Variants in RBBP5 observed in about 807,000 individuals in gnomAD.
RBBP5 encodes RB binding protein 5, histone lysine methyltransferase complex subunit, also known as retinoblastoma-binding protein 5.
RBBP5 carries 5 observed loss-of-function variants against 72.2 expected under a neutral mutation model. The observed-to-expected ratio is 0.07, with a 90% CI of 0.04 to 0.15. The LOEUF is 0.15. Among genes scored for constraint, RBBP5 ranks in the 10% least tolerant of loss-of-function variants. The pLI is 1.00. For synonymous variants in RBBP5, 209 were observed against 237.2 expected (o/e 0.88, Z 1.09); for missense variants, 322 against 652.2 (o/e 0.49, Z 5.51).
intron 1 of RBBP5, among the ~76,000 whole-genome samples, chr1:205,117,652 C>T (rs1656578779): frequency 6.6e-6 from 1 of 151,724 alleles, no homozygotes. Context: ...AAGAGGGAAA[C>T]TCTGTCTCAA....
rs1022739763 is a variant in RBBP5, at chr1:205,121,927, G to C, written c.-54C>G. On this transcript the variant is annotated 5_prime_UTR_variant, in exon 1 of 14. Coordinates refer to ENST00000264515, the MANE Select transcript of RBBP5 (RefSeq NM_005057.4). ...GCTCCGGCAACAACACCTTCTCCCC[G>C]GCCGGCTTCAGCAACTTGCGTCTAA... The C allele has an allele frequency of 2.5e-6, 4 of 1,604,838 alleles. No homozygotes were observed. Among genetic ancestry groups the C allele is most frequent in the African/African-American group, 1.3e-5 (1 of 74,900 alleles).
In RBBP5 at chr1:205,096,754, C is replaced by T. The variant is rs770027845; in HGVS notation, c.1324G>A (p.Ala442Thr). The stretch of plus-strand genomic sequence containing the variant: ...TTCTTAGGTGGCTGGGACCCATCTG[C>T]TGAGGACTGCCTCTTCTTCTCTGAA... Reference protein sequence around the residue: ...ASSEKKRQSSADGSQPPKKKP... With the variant: ...ASSEKKRQSSTDGSQPPKKKP... The change falls in exon 12 of 14, where the codon GCA (alanine) becomes ACA (threonine). Residue 442 changes from alanine to threonine, a missense_variant. Around this residue, in one of 6 missense-constraint regions of RBBP5, gnomAD observed 109 missense variants for 146.3 expected, o/e 0.75. Transcript: ENST00000264515. 6 of 1,614,050 alleles carry T rather than the reference C, an allele frequency of 3.7e-6. No individual in the cohort carries two copies. The highest frequency in any genetic ancestry group is 2.2e-5 in the East Asian group (1 of 44,888).
Position 205,096,839 on chromosome 1 carries a change from T to C in RBBP5, c.1239A>G (p.Glu413=). ...PIAPEVEDPE[E]NPYGPPPDAV... is the part of the protein sequence containing the mutation. ...CATCCGGTGGGGGGCCGTAAGGATT[T>C]TCTTCTGGGTCTTCTACCTCAGGGG... The change falls in exon 12 of 14, where the codon GAA becomes GAG. Residue 413 remains glutamate (E), a synonymous_variant. Coordinates refer to ENST00000264515, the MANE Select transcript of RBBP5 (RefSeq NM_005057.4). The C allele has an allele frequency of 7.4e-6, 12 of 1,614,094 alleles. No individual in the cohort carries two copies. Among genetic ancestry groups the C allele is most frequent in the African/African-American group, 1.3e-5 (1 of 75,022 alleles).
intron 1 of RBBP5, among the ~76,000 whole-genome samples, chr1:205,121,154 T>G (rs1656721949): frequency 6.6e-6 from 1 of 152,174 alleles, no homozygotes; most frequent in Non-Finnish European, 1.5e-5. Flanking sequence ...CCATGCTAAA[T>G]GTCACCTAAT....
In RBBP5 at chr1:205,094,950, T is replaced by C; in HGVS notation, c.1511A>G (p.Tyr504Cys). 1 of 1,614,152 alleles carries C rather than the reference T, an allele frequency of 6.2e-7. No homozygotes were observed. Among genetic ancestry groups the C allele is most frequent in the Non-Finnish European group, 8.5e-7 (1 of 1,180,028 alleles). ...CAGAGGTAAACCTCTGTCCCCTTTGTAGAGTTTCGGTTTAAATGGAGAATC... is the reference window on the plus strand; with the variant it reads ...CAGAGGTAAACCTCTGTCCCCTTTGCAGAGTTTCGGTTTAAATGGAGAATC... ...EKDSPFKPKL[Y>C]KGDRGLPLEG... is the part of the protein sequence containing the mutation. The change falls in exon 13 of 14, where the codon TAC (tyrosine) becomes TGC (cysteine). Residue 504 changes from tyrosine (Y) to cysteine (C), a missense_variant. Physicochemically the swap from Tyr to Cys is radical, Grantham distance 194. Transcript: ENST00000264515.
rs148570882 is a variant in RBBP5, at chr1:205,091,360, C to T, written c.1589-2545G>A. The T allele has an allele frequency of 1.1e-3, 166 of 152,366 alleles. 1 individual carries two copies. The highest frequency in any genetic ancestry group is 3.7e-3 in the African/African-American group (155 of 41,576). 9.4% of individuals were successfully genotyped at this position (152,366 alleles called of 1,614,324 possible). On this transcript the variant is annotated intron_variant, in intron 13 of 13. Transcript: ENST00000264515. ...TAACTAAGAAGCATTTGATAGATAGCGCAGACTATGTTAGCCTGGTCCTTC... is the reference window on the plus strand; with the variant it reads ...TAACTAAGAAGCATTTGATAGATAGTGCAGACTATGTTAGCCTGGTCCTTC...
chr1:205,093,558 A>ACG lies in RBBP5; in HGVS notation c.1588+1314_1588+1315insCG, dbSNP rs1553352240. 1.0e-3 allele frequency among the ~76,000 whole-genome samples: 121 copies of ACG among 115,796 alleles called. 1 individual carries two copies. Among genetic ancestry groups the ACG allele is most frequent in the African/African-American group, 2.6e-3 (68 of 26,174 alleles). 76.0% of individuals were successfully genotyped at this position (115,796 alleles called of 152,430 possible). A position where few individuals can be genotyped will look rare whatever the true frequency, so the allele number is the denominator to read the frequency against. ...TACACACACACACACACACACACAC[A>ACG]CACACACACACAGCATTATATGTAT... On this transcript the variant is annotated intron_variant, in intron 13 of 13. Coordinates refer to ENST00000264515, the MANE Select transcript of RBBP5 (RefSeq NM_005057.4).
chr1:205,109,050 CTAAGGT>C (rs1391885815), intron 3 of RBBP5, among the ~76,000 whole-genome samples: 6 of 152,052 alleles, frequency 3.9e-5, no homozygotes, highest in Non-Finnish European at 8.8e-5. Flanking sequence ...CAGGGGTAAG[CTAAGGT>C]TATAAATATA....
intron 1 of RBBP5, chr1:205,116,361 T>A (rs1276410873): frequency 5.8e-6 from 2 of 342,060 alleles, no homozygotes; most frequent in South Asian, 4.5e-5. Context: ...TAGGTAGATA[T>A]CACCTACATA....
At chr1:205,112,987 T>C (rs1382620778) in intron 3 of RBBP5, among the ~76,000 whole-genome samples, 1 of 151,970 alleles carries the variant, frequency 6.6e-6, no homozygotes, top group Non-Finnish European at 1.5e-5. Context: ...TAGCCAGGCA[T>C]GGTGGCGCAC....
In RBBP5 at chr1:205,096,734, A is replaced by C. The variant is rs1229692167; in HGVS notation, c.1344T>G (p.Pro448=). The change falls in exon 12 of 14, where the codon CCT becomes CCG. Residue 448 remains proline (P), a synonymous_variant. Transcript: ENST00000264515. ...TATTGGTTGTTTTGGGTTTCTTCTT[A>C]GGTGGCTGGGACCCATCTGCTGAGG... The part of the protein sequence containing the change: ...RQSSADGSQP[P]KKKPKTTNIE... 3 of 1,614,086 alleles carry C rather than the reference A, an allele frequency of 1.9e-6. No individual in the cohort carries two copies.
At position 205,094,959 on chromosome 1, in the gene RBBP5, G is replaced by A. The variant is rs756967326; in HGVS notation, c.1502C>T (p.Pro501Leu). The change falls in exon 13 of 14, where the codon CCG becomes CTG. Residue 501 changes from proline to leucine, a missense_variant. By Grantham distance (98) the Pro-to-Leu change is moderately conservative. Transcript: ENST00000264515. ...ACCTCTGTCCCCTTTGTAGAGTTTC[G>A]GTTTAAATGGAGAATCTTTCTCTTT... ...KGKEKDSPFK[P>L]KLYKGDRGLP... 1.5e-5 allele frequency: 24 copies of A among 1,613,968 alleles called. No individual in the cohort carries two copies. The highest frequency in any genetic ancestry group is 1.9e-5 in the Non-Finnish European group (23 of 1,180,040).
At chr1:205,097,707 G>A (rs1180771338) in intron 10 of RBBP5, among the ~76,000 whole-genome samples, 1 of 152,214 alleles carries the variant, frequency 6.6e-6, no homozygotes, top group African/African-American at 2.4e-5. Context: ...ATATGGGAAG[G>A]AGGAACAATT....
chr1:205,091,365 A>AAT (rs1655343711), intron 13 of RBBP5: 2 of 152,262 alleles, frequency 1.3e-5, no homozygotes, highest in Non-Finnish European at 2.9e-5. Flanking sequence ...GATAGCGCAG[A>AAT]CTATGTTAGC....
chr1:205,100,341 T>A, intron 6 of RBBP5, 70 bp from the exon 7 acceptor site: 1 of 1,544,872 alleles, frequency 6.5e-7, no homozygotes, highest in South Asian at 1.2e-5. Flanking sequence ...AAACGACTAA[T>A]AAACTAGGGA....
rs547516401 is a variant in RBBP5 at position 205,110,113 on chromosome 1, C to CG, written c.218+4675dup. On this transcript the variant is annotated intron_variant, in intron 3 of 13. Transcript: ENST00000264515. ...CCGGCTCACCGCAACCTCCATATGC[C>CG]GGTTCAAGCGATTCTCCTGCCTCAG... Among the ~76,000 whole-genome samples, 163 of 151,998 alleles carry CG rather than the reference C, an allele frequency of 1.1e-3. 1 individual carries two copies. The highest frequency in any genetic ancestry group is 3.7e-3 in the African/African-American group (153 of 41,472).
At chr1:205,121,820 AC>A (rs747592388) in intron 1 of RBBP5, 34 bp downstream of exon 1, 6 of 1,612,166 alleles carry the variant, frequency 3.7e-6, no homozygotes, top group Non-Finnish European at 5.1e-6. Flanking sequence ...CCAGTACCCA[AC>A]GCTTCTCTAA....
chr1:205,086,713 G>A lies in RBBP5; in HGVS notation c.*2074C>T, dbSNP rs558722436. ...AAATAATTATTAGGAGCTACTGCCA[G>A]AGACAATCTGACAGGGCTGAAGATG... On this transcript the variant is annotated 3_prime_UTR_variant, in exon 14 of 14. Transcript: ENST00000264515. 4 of 152,290 alleles carry A rather than the reference G, an allele frequency of 2.6e-5. No homozygotes were observed. Among genetic ancestry groups the A allele is most frequent in the Non-Finnish European group, 5.9e-5 (4 of 68,024 alleles). The allele number at this position is 152,290 out of a possible 1,614,324, so 9.4% of individuals were successfully genotyped here.
chr1:205,105,232 A>C (rs1358199422), intron 3 of RBBP5, 64 bp from the exon 4 acceptor site: 1 of 1,550,024 alleles, frequency 6.5e-7, no homozygotes, highest in Non-Finnish European at 8.8e-7. Flanking sequence ...CTCATGAATA[A>C]ACTGTGTAAG....
Sources: allele counts gnomAD v4.1 joint callset (sites outside exome capture counted in the v4.1 genomes callset), GRCh38; gene constraint gnomAD v4.1.1; regional missense constraint gnomAD v4.1.1; transcripts MANE v1.5; gene names NCBI Gene and HGNC (gene_info 2026-07-23, HGNC 2026-07-21).